The following TFDP1 variants were observed in gnomAD, a reference collection of about 807,000 sequenced individuals.
TFDP1 encodes transcription factor Dp-1, also known as DRTF1-polypeptide 1.
In TFDP1, 6 loss-of-function variants were observed where a neutral mutation model predicts 48.0. The observed-to-expected ratio is 0.13, with a 90% CI of 0.07 to 0.25. TFDP1 has a LOEUF of 0.25. TFDP1 is among the 10% of genes least tolerant of loss of function. The pLI, the probability that TFDP1 is intolerant of heterozygous loss-of-function variation, is 1.00. For synonymous variants in TFDP1, 201 were observed against 211.6 expected, an observed-to-expected ratio of 0.95 and a Z score of 0.44; for missense variants, 335 against 543.0, an observed-to-expected ratio of 0.62 and a Z score of 3.81.
chr13:113,603,991 C>T (rs756442922), intron 2 of TFDP1, among the ~76,000 whole-genome samples: 6 of 151,914 alleles, frequency 3.9e-5, no homozygotes, highest in African/African-American at 7.3e-5. Flanking sequence ...AATGAGACCT[C>T]GTCTCTACTA....
intron 2 of TFDP1, among the ~76,000 whole-genome samples, chr13:113,589,013 AGT>A (rs1414130576): frequency 2.1e-5 from 3 of 145,028 alleles, no homozygotes; most frequent in Non-Finnish European, 4.5e-5. Flanking sequence ...GAGGAGAGTG[AGT>A]GTGGTGATGG....
intron 3 of TFDP1, among the ~76,000 whole-genome samples, chr13:113,617,547 CTCACCTGCAGAACCCT>C (rs1393882507): frequency 0.042 from 6,222 of 146,660 alleles, 562 homozygotes; most frequent in African/African-American, 0.14. Context: ...TGCAGAGCCG[CTCACCTGCAGAACCCT>C]TCACCTGCAG....
intron 3 of TFDP1, among the ~76,000 whole-genome samples, chr13:113,618,342 C>T (rs1258621921): frequency 6.6e-6 from 1 of 152,060 alleles, no homozygotes; most frequent in Non-Finnish European, 1.5e-5. Flanking sequence ...GGTGATGTGG[C>T]GAAACTCTGT....
Position 113,640,807 on chromosome 13 carries a change from C to G in TFDP1, c.*540C>G, listed in dbSNP as rs2049623186. 6.3e-6 allele frequency: 1 copy of G among 158,574 alleles called. No homozygotes were observed. The highest frequency in any genetic ancestry group is 6.5e-5 in the Admixed American group (1 of 15,338). 9.8% of individuals were successfully genotyped at this position (158,574 alleles called of 1,614,324 possible). A position where few individuals can be genotyped will look rare whatever the true frequency, so the allele number is the denominator to read the frequency against. ...AATTCAACTTTTTAAACAATAAACACCATCAACCTTATTGACTTTATTGTC... is the reference window on the plus strand; with the variant it reads ...AATTCAACTTTTTAAACAATAAACAGCATCAACCTTATTGACTTTATTGTC... On this transcript the variant is annotated 3_prime_UTR_variant, in exon 12 of 12. Coordinates refer to ENST00000375370, the MANE Select transcript of TFDP1 (RefSeq NM_007111.5).
At position 113,633,059 on chromosome 13, in the gene TFDP1, C is replaced by T. The variant is rs2049379315; in HGVS notation, c.309-61C>T. ...AGAGCTCTCAGGTAAAAGCATTCCT[C>T]GATTCAGGCTGATCCTCAGGAGGGC... On this transcript the variant is annotated intron_variant, in intron 5 of 11. Coordinates refer to ENST00000375370, the MANE Select transcript of TFDP1 (RefSeq NM_007111.5). The surrounding 1 kb of genome is among the most constrained non-coding windows in gnomAD (Gnocchi z 4.5). The T allele has an allele frequency of 1.8e-5, 28 of 1,599,226 alleles. No individual in the cohort carries two copies. Among genetic ancestry groups the T allele is most frequent in the South Asian group, 6.7e-5 (6 of 89,564 alleles).
At chr13:113,637,197 T>C (rs930212912) in intron 10 of TFDP1, 11 of 181,338 alleles carry the variant, frequency 6.1e-5, no homozygotes, top group Non-Finnish European at 9.3e-5. Flanking sequence ...AATTCTTTCC[T>C]TGGGGGCCGT....
At chr13:113,606,179 G>A (rs573515707) in intron 2 of TFDP1, among the ~76,000 whole-genome samples, 1 of 150,800 alleles carries the variant, frequency 6.6e-6, no homozygotes, top group South Asian at 2.1e-4. Context: ...AGGGGATCCT[G>A]TGGGAAGGCG....
Position 113,635,210 on chromosome 13 carries a change from G to A in TFDP1, c.687+608G>A, listed in dbSNP as rs143497527. On this transcript the variant is annotated intron_variant, in intron 8 of 11. Coordinates refer to ENST00000375370, the MANE Select transcript of TFDP1 (RefSeq NM_007111.5). ...GGGCCCCGTGTCTGGTGTGGAGGGG[G>A]TTGTGTGCAAGGTGCTCACTGCAGA... Among the ~76,000 whole-genome samples the A allele has an allele frequency of 3.8e-3, 578 of 152,278 alleles. 3 individuals carry two copies. Among genetic ancestry groups the A allele is most frequent in the Middle Eastern group, 6.8e-3 (2 of 294 alleles).
At chr13:113,622,420 C>T (rs1275684801) in intron 3 of TFDP1, among the ~76,000 whole-genome samples, 2 of 152,252 alleles carry the variant, frequency 1.3e-5, no homozygotes, top group Non-Finnish European at 1.5e-5. Flanking sequence ...TGACGCCCCT[C>T]CCGGGCTGTG....
chr13:113,630,431 G>A (rs2049305101), intron 4 of TFDP1, among the ~76,000 whole-genome samples: 1 of 152,026 alleles, frequency 6.6e-6, no homozygotes, highest in Non-Finnish European at 1.5e-5. Flanking sequence ...AAGTGTCCCC[G>A]TCAGCTGCTC....
intron 2 of TFDP1, among the ~76,000 whole-genome samples, chr13:113,599,280 C>T (rs912374853): frequency 1.1e-4 from 16 of 152,074 alleles, no homozygotes; most frequent in Admixed American, 4.6e-4. Context: ...GTCCCTGTCA[C>T]GGACCTGGGT....
At chr13:113,638,777 T>C (rs1241365896) in intron 11 of TFDP1, among the ~76,000 whole-genome samples, 1 of 152,232 alleles carries the variant, frequency 6.6e-6, no homozygotes, top group East Asian at 1.9e-4. Flanking sequence ...TTATGGTAAA[T>C]ATTAACAAAA....
At chr13:113,635,081 CTG>C (rs999326382) in intron 8 of TFDP1, among the ~76,000 whole-genome samples, 30 of 152,358 alleles carry the variant, frequency 2.0e-4, no homozygotes, top group African/African-American at 6.7e-4. Flanking sequence ...GCCTGTAAAA[CTG>C]TGGTGGACAC....
chr13:113,634,380 T>TGTA (rs1483565223), intron 7 of TFDP1, 154 bp from the exon 8 acceptor site: 1 of 688,704 alleles, frequency 1.5e-6, no homozygotes, highest in Non-Finnish European at 2.6e-6. Flanking sequence ...ACCTATATCT[T>TGTA]GTAGCACCTG....
At chr13:113,606,086 T>C (rs1288216508) in intron 2 of TFDP1, among the ~76,000 whole-genome samples, 7 of 116,410 alleles carry the variant, frequency 6.0e-5, no homozygotes, top group African/African-American at 1.4e-4. Flanking sequence ...TGAGTGTCCA[T>C]AGGGGATCCT....
intron 11 of TFDP1, among the ~76,000 whole-genome samples, chr13:113,639,643 G>A (rs1241095334): frequency 6.6e-6 from 1 of 152,242 alleles, no homozygotes; most frequent in African/African-American, 2.4e-5. Context: ...AGCTCTGGTT[G>A]GTGGTAGGTT....
rs927058744 is a variant in TFDP1 at position 113,585,895 on chromosome 13, T to G, written c.12+46T>G. The G allele has an allele frequency of 4.4e-6, 7 of 1,588,280 alleles. No individual in the cohort carries two copies. In the African/African-American group the frequency reaches 8.0e-5, roughly 18 times the overall value. On this transcript the variant is annotated intron_variant, in intron 2 of 11. Transcript: ENST00000375370. ...CTGCACACGAATGTTTGCCTCGCAC[T>G]AAATTCTTTGTAGTTCTCTGCCTTT...
intron 4 of TFDP1, among the ~76,000 whole-genome samples, chr13:113,628,039 G>A (rs2049229796): frequency 6.6e-6 from 1 of 152,218 alleles, no homozygotes; most frequent in Admixed American, 6.5e-5. Flanking sequence ...ACGACTGCTG[G>A]CGTGGAAGCT....
At chr13:113,628,906 G>A (rs1308895799) in intron 4 of TFDP1, among the ~76,000 whole-genome samples, 1 of 152,152 alleles carries the variant, frequency 6.6e-6, no homozygotes, top group Non-Finnish European at 1.5e-5. Context: ...CCTGCTCCAT[G>A]TCTGTTGAAT....
Sources: allele counts gnomAD v4.1 joint callset (sites outside exome capture counted in the v4.1 genomes callset), GRCh38; gene constraint gnomAD v4.1.1; non-coding constraint Gnocchi (gnomAD v3.1); transcripts MANE v1.5; gene names NCBI Gene and HGNC (gene_info 2026-07-23, HGNC 2026-07-21).